The following RRM2B variants were observed in gnomAD, a reference collection of about 807,000 sequenced individuals.
RRM2B encodes ribonucleotide reductase regulatory TP53 inducible subunit M2B.
RRM2B carries 20 observed loss-of-function variants against 45.9 expected under a neutral mutation model. The observed-to-expected ratio is 0.44, with a 90% CI of 0.31 to 0.63. RRM2B has a LOEUF of 0.63. RRM2B is among the 30% of genes least tolerant of loss of function. RRM2B has a pLI of 0.09. For synonymous variants in RRM2B, 124 were observed against 132.3 expected (o/e 0.94, Z 0.43); for missense variants, 320 against 414.7 (o/e 0.77, Z 1.98).
chr8:102,238,491 C>T, intron 1 of RRM2B: 1 of 1,335,778 alleles, frequency 7.5e-7, no homozygotes, highest in Non-Finnish European at 9.9e-7. Context: ...GTTTCCCTGG[C>T]CAGGGCTCCA....
chr8:102,223,853 T>C (rs1428153706), intron 5 of RRM2B, among the ~76,000 whole-genome samples, 193 bp downstream of exon 5: 3 of 152,218 alleles, frequency 2.0e-5, no homozygotes, highest in Non-Finnish European at 4.4e-5. Context: ...ACTTATTAAG[T>C]AGAATAGGTA....
At chr8:102,220,451 A>G (rs985334619) in intron 5 of RRM2B, among the ~76,000 whole-genome samples, 5 of 152,214 alleles carry the variant, frequency 3.3e-5, no homozygotes, top group Non-Finnish European at 7.3e-5. Flanking sequence ...AATTTTTGTT[A>G]GAGACAGTAT....
At chr8:102,216,541 CCAAT>C (rs1172408521) in intron 6 of RRM2B, among the ~76,000 whole-genome samples, 2 of 151,670 alleles carry the variant, frequency 1.3e-5, no homozygotes, top group East Asian at 1.9e-4. Flanking sequence ...TTGAAAGGAC[CCAAT>C]CAGTCACTGT....
At chr8:102,213,108 A>C (rs981215468) in intron 7 of RRM2B, among the ~76,000 whole-genome samples, 2 of 152,210 alleles carry the variant, frequency 1.3e-5, no homozygotes, top group African/African-American at 4.8e-5. Context: ...AGCCAAAATA[A>C]ATGGAAACGA....
At chr8:102,218,020 A>C (rs140755835) in intron 6 of RRM2B, among the ~76,000 whole-genome samples, 8 of 152,334 alleles carry the variant, frequency 5.3e-5, no homozygotes, top group Admixed American at 4.6e-4. Context: ...AACAGAAGGA[A>C]CAACAAATTT....
In RRM2B at chr8:102,218,932, G is replaced by A; in HGVS notation, c.566C>T (p.Ala189Val). The A allele has an allele frequency of 6.2e-7, 1 of 1,612,614 alleles. No individual in the cohort carries two copies. The highest frequency in any genetic ancestry group is 8.5e-7 in the Non-Finnish European group (1 of 1,179,262). The change falls in exon 6 of 9, where the codon GCC becomes GTC. Residue 189 changes from alanine to valine, a missense_variant. Physicochemically the swap from Ala to Val is moderately conservative, Grantham distance 64 (BLOSUM62 0). Transcript: ENST00000251810. ...RKSTFGERVV[A>V]FAAVEGVFFS... ...GAAAACTCCTTCTACAGCAGCAAAG[G>A]CCACCACTCTTTCCCCTGGGAGACA...
At chr8:102,213,015 A>G in intron 7 of RRM2B, 126 bp from the exon 8 acceptor site, 1 of 673,362 alleles carries the variant, frequency 1.5e-6, no homozygotes, top group South Asian at 1.7e-5. Flanking sequence ...ATTAGGATAA[A>G]TTCTTTCAAT....
intron 1 of RRM2B, 143 bp downstream of exon 1, chr8:102,238,684 G>A (rs1385033655): frequency 6.5e-7 from 1 of 1,548,488 alleles, no homozygotes; most frequent in African/African-American, 1.4e-5. Flanking sequence ...CGCTCGCAAC[G>A]ACGAAGCCAG....
At chr8:102,216,354 G>C (rs1258727453) in intron 6 of RRM2B, among the ~76,000 whole-genome samples, 3 of 152,042 alleles carry the variant, frequency 2.0e-5, no homozygotes, top group Non-Finnish European at 4.4e-5. Context: ...AAAAAAATGT[G>C]TAATTAATTT....
chr8:102,225,454 A>G (rs1563665127), intron 3 of RRM2B, among the ~76,000 whole-genome samples: 1 of 151,880 alleles, frequency 6.6e-6, no homozygotes, highest in Non-Finnish European at 1.5e-5. Flanking sequence ...GGATGGTCTC[A>G]ATCTCTTGAC....
chr8:102,208,877 G>T (rs1003218980), intron 8 of RRM2B, among the ~76,000 whole-genome samples: 10 of 152,154 alleles, frequency 6.6e-5, no homozygotes, highest in Admixed American at 6.5e-4. Flanking sequence ...GGCCGAGCAT[G>T]GTGGCTCATG....
Position 102,237,349 on chromosome 8 carries a change from G to A in RRM2B, c.48+1478C>T, listed in dbSNP as rs1811138403. ...CTATCTATGGACCCTTTAAGACAGT[G>A]GGGGGTTTTTTGTTTTTGTTTTAAT... On this transcript the variant is annotated intron_variant, in intron 1 of 8. Coordinates refer to ENST00000251810, the MANE Select transcript of RRM2B (RefSeq NM_015713.5). Among the ~76,000 whole-genome samples the A allele has an allele frequency of 2.6e-5, 4 of 152,280 alleles. 1 individual carries two copies. In the South Asian group the frequency reaches 8.3e-4, roughly 32 times the overall value.
chr8:102,237,762 T>C (rs983404194), intron 1 of RRM2B, among the ~76,000 whole-genome samples: 1 of 152,208 alleles, frequency 6.6e-6, no homozygotes, highest in Non-Finnish European at 1.5e-5. Context: ...ACTAAACGCA[T>C]TTGTTTCAAA....
At position 102,214,104 on chromosome 8, in the gene RRM2B, A is replaced by C. The variant is rs748049652; in HGVS notation, c.739T>G (p.Ser247Ala). The C allele has an allele frequency of 1.2e-6, 2 of 1,613,672 alleles. No individual in the cohort carries two copies. Among genetic ancestry groups the C allele is most frequent in the East Asian group, 4.5e-5 (2 of 44,790 alleles). Residue 247 changes from serine (S) to alanine (A), a missense_variant, in exon 7 of 9, where the codon TCA (serine) becomes GCA (alanine). By Grantham distance (99) the Ser-to-Ala change is moderately conservative. Coordinates refer to ENST00000251810, the MANE Select transcript of RRM2B (RefSeq NM_015713.5). ...ATGATCTCCCTGACCCTTTCTTCTG[A>C]AGGCTTATTTACTAAGTATTGGAAC... Reference protein sequence around the residue: ...LMFQYLVNKPSEERVREIIVD... With the variant: ...LMFQYLVNKPAEERVREIIVD...
intron 2 of RRM2B, among the ~76,000 whole-genome samples, chr8:102,230,857 T>C (rs1239586219): frequency 6.6e-6 from 1 of 152,212 alleles, no homozygotes; most frequent in South Asian, 2.1e-4. Flanking sequence ...ACAACACAAA[T>C]AGCCAAGTAC....
At chr8:102,210,505 C>A (rs1314517250) in intron 8 of RRM2B, among the ~76,000 whole-genome samples, 2 of 152,020 alleles carry the variant, frequency 1.3e-5, no homozygotes, top group Non-Finnish European at 2.9e-5. Flanking sequence ...TCTTTTTGCC[C>A]AGGCTGGAGT....
chr8:102,221,213 C>T (rs1480496072), intron 5 of RRM2B, among the ~76,000 whole-genome samples: 1 of 152,122 alleles, frequency 6.6e-6, no homozygotes, highest in African/African-American at 2.4e-5. Flanking sequence ...ATAACATAAA[C>T]TTCCAAGCTA....
intron 2 of RRM2B, 29 bp downstream of exon 2, chr8:102,232,120 T>C (rs1157142406): frequency 1.9e-6 from 3 of 1,604,506 alleles, no homozygotes; most frequent in Non-Finnish European, 2.6e-6. Flanking sequence ...CTATAGGATG[T>C]GAATGCTCTT....
chr8:102,228,843 G>A (rs1407021704), intron 2 of RRM2B, among the ~76,000 whole-genome samples: 1 of 152,242 alleles, frequency 6.6e-6, no homozygotes, highest in Non-Finnish European at 1.5e-5. Context: ...GAAGGGATCG[G>A]AGAAACTATC....
Sources: allele counts gnomAD v4.1 joint callset (sites outside exome capture counted in the v4.1 genomes callset), GRCh38; gene constraint gnomAD v4.1.1; transcripts MANE v1.5; gene names NCBI Gene and HGNC (gene_info 2026-07-23, HGNC 2026-07-21).